Variants in HPSE2 observed in about 807,000 individuals in gnomAD.
HPSE2 encodes the protein inactive heparanase-2.
Under a neutral mutation model 60.5 loss-of-function variants are expected in HPSE2, and 38 were observed. That is an observed-to-expected ratio of 0.63 (90% CI 0.48 to 0.82). The LOEUF is 0.82. Ranked by LOEUF, HPSE2 falls within the 40% of genes least tolerant of loss-of-function variation. HPSE2 has a pLI of 0.00. For synonymous variants in HPSE2, 295 were observed against 293.2 expected (o/e 1.01, Z -0.06); for missense variants, 713 against 740.4 (o/e 0.96, Z 0.43).
At chr10:98,782,926 A>AT (rs773521357) in intron 3 of HPSE2, among the ~76,000 whole-genome samples, 3 of 124,530 alleles carry the variant, frequency 2.4e-5, no homozygotes, top group African/African-American at 3.1e-5. Flanking sequence ...TTTTTTTTTT[A>AT]TTTTTTTTTT....
At chr10:99,067,777 G>A (rs911363578) in intron 3 of HPSE2, among the ~76,000 whole-genome samples, 1 of 152,162 alleles carries the variant, frequency 6.6e-6, no homozygotes, top group African/African-American at 2.4e-5. Flanking sequence ...TTTCCCCATT[G>A]TCTTAGTGAA....
At chr10:98,591,627 ACTCCAGC>A (rs1357977671) in intron 9 of HPSE2, among the ~76,000 whole-genome samples, 2 of 152,188 alleles carry the variant, frequency 1.3e-5, no homozygotes, top group African/African-American at 4.8e-5. Context: ...ACACCACTGC[ACTCCAGC>A]CTGGGCGACA....
chr10:99,268,882 T>TG, the HPSE2 span, among the ~76,000 whole-genome samples: 1 of 151,856 alleles, frequency 6.6e-6, no homozygotes, highest in African/African-American at 2.4e-5. Flanking sequence ...GGGCCAGGCA[T>TG]GGTGGCTCAC....
intron 3 of HPSE2, among the ~76,000 whole-genome samples, chr10:99,132,957 C>T (rs1185243126): frequency 6.6e-6 from 1 of 152,178 alleles, no homozygotes; most frequent in Non-Finnish European, 1.5e-5. Flanking sequence ...AGGGTCCCAC[C>T]CCCACAGAGC....
At chr10:98,573,069 C>G (rs1477310432) in intron 9 of HPSE2, among the ~76,000 whole-genome samples, 12 of 152,150 alleles carry the variant, frequency 7.9e-5, no homozygotes, top group Non-Finnish European at 1.6e-4. Context: ...GGCAACAGAT[C>G]TGAGTGATCT....
intron 3 of HPSE2, among the ~76,000 whole-genome samples, chr10:99,088,092 A>C (rs1157470213): frequency 6.6e-6 from 1 of 151,680 alleles, no homozygotes; most frequent in African/African-American, 2.4e-5. Context: ...ATTTTTACCC[A>C]TGATACTCCC....
At chr10:98,552,757 G>C (rs1213425292) in intron 9 of HPSE2, among the ~76,000 whole-genome samples, 2 of 151,958 alleles carry the variant, frequency 1.3e-5, no homozygotes, top group African/African-American at 4.8e-5. Context: ...ATAAAATAAT[G>C]GTGTGTCTTT....
At chr10:98,641,704 T>A in intron 7 of HPSE2, 143 bp downstream of exon 7, 1 of 746,802 alleles carries the variant, frequency 1.3e-6, no homozygotes, top group South Asian at 1.4e-5. Context: ...GGGGAGCTTG[T>A]GACCATGCCC....
chr10:98,672,353 A>C (rs929593463), intron 6 of HPSE2, among the ~76,000 whole-genome samples: 4 of 152,220 alleles, frequency 2.6e-5, no homozygotes, highest in African/African-American at 4.8e-5. Context: ...ACAGCCATGC[A>C]ACTCTAGACA....
intron 3 of HPSE2, among the ~76,000 whole-genome samples, chr10:98,815,574 G>T (rs1951267448): frequency 6.6e-6 from 1 of 152,056 alleles, no homozygotes; most frequent in Non-Finnish European, 1.5e-5. Flanking sequence ...GCTTCCTGTT[G>T]GGAACCTGAA....
At chr10:99,306,924 G>T in the HPSE2 span, among the ~76,000 whole-genome samples, 4 of 152,048 alleles carry the variant, frequency 2.6e-5, no homozygotes, top group African/African-American at 9.7e-5. Context: ...TGGTCAGGCT[G>T]GTCTCGAACG....
chr10:99,259,121 C>A, the HPSE2 span, among the ~76,000 whole-genome samples: 2 of 152,098 alleles, frequency 1.3e-5, no homozygotes, highest in African/African-American at 2.4e-5. Flanking sequence ...GCCCGACCAA[C>A]ATGGCAAAAC....
intron 2 of HPSE2, among the ~76,000 whole-genome samples, chr10:99,178,881 G>A (rs1847642862): frequency 6.6e-6 from 1 of 152,158 alleles, no homozygotes; most frequent in Non-Finnish European, 1.5e-5. Context: ...TAAAATACCG[G>A]CAAACCGAAT....
chr10:99,180,379 A>G (rs1232155201), intron 2 of HPSE2, among the ~76,000 whole-genome samples: 1 of 152,234 alleles, frequency 6.6e-6, no homozygotes, highest in Non-Finnish European at 1.5e-5. Context: ...GCTAATTTCC[A>G]GAATCTACAA....
intron 5 of HPSE2, among the ~76,000 whole-genome samples, chr10:98,705,474 C>T (rs796193552): frequency 3.3e-5 from 5 of 152,272 alleles, no homozygotes; most frequent in African/African-American, 9.6e-5. Context: ...TATTGTAGCA[C>T]TATTTACAAT....
chr10:99,241,231 C>T, the HPSE2 span, among the ~76,000 whole-genome samples: 1,135 of 152,200 alleles, frequency 7.5e-3, 13 homozygotes, highest in African/African-American at 0.023. Flanking sequence ...TATAACCCTC[C>T]AGAACCTATC....
chr10:98,563,617 C>G (rs1944254576), intron 9 of HPSE2, among the ~76,000 whole-genome samples: 1 of 152,138 alleles, frequency 6.6e-6, no homozygotes, highest in Non-Finnish European at 1.5e-5. Context: ...TTAAGCAACA[C>G]TTAGAAAATA....
chr10:98,747,007 T>C (rs1239802806), intron 3 of HPSE2, among the ~76,000 whole-genome samples: 1 of 152,064 alleles, frequency 6.6e-6, no homozygotes, highest in Non-Finnish European at 1.5e-5. Flanking sequence ...TCTAATATAC[T>C]ATGAGCTTTA....
intron 2 of HPSE2, among the ~76,000 whole-genome samples, chr10:99,201,708 T>C (rs1848580394): frequency 6.6e-6 from 1 of 152,114 alleles, no homozygotes; most frequent in Admixed American, 6.5e-5. Flanking sequence ...AACAAGAGTA[T>C]CCCTGCCTTT....
Sources: allele counts gnomAD v4.1 joint callset (sites outside exome capture counted in the v4.1 genomes callset), GRCh38; gene constraint gnomAD v4.1.1; transcripts MANE v1.5; gene names NCBI Gene and HGNC (gene_info 2026-07-23, HGNC 2026-07-21).